Variants in ENTREP2 observed in about 807,000 individuals in gnomAD.
The protein encoded by ENTREP2 is protein ENTREP2.
chr15:29,300,455 T>C, the ENTREP2 span, among the ~76,000 whole-genome samples: 2 of 109,282 alleles, frequency 1.8e-5, no homozygotes, highest in African/African-American at 1.3e-4. Context: ...TGGATGGATG[T>C]TGAGGCATGG....
chr15:29,118,793 C>T, the ENTREP2 span, among the ~76,000 whole-genome samples: 1 of 90,988 alleles, frequency 1.1e-5, no homozygotes, highest in Non-Finnish European at 2.9e-5. Context: ...ATTCTGGCAG[C>T]TCTGCCAGCA....
chr15:29,321,292 TAA>T, the ENTREP2 span, among the ~76,000 whole-genome samples: 2 of 152,032 alleles, frequency 1.3e-5, no homozygotes, highest in Admixed American at 1.3e-4. Flanking sequence ...GTGGAGTATT[TAA>T]AGTGATGAAA....
the ENTREP2 span, among the ~76,000 whole-genome samples, chr15:29,378,024 A>T: frequency 6.6e-6 from 1 of 151,650 alleles, no homozygotes. Flanking sequence ...GAAGGAATGT[A>T]AGTCATGTGA....
the ENTREP2 span, among the ~76,000 whole-genome samples, chr15:29,352,596 TTCATCAC>T: frequency 2.0e-5 from 3 of 152,150 alleles, no homozygotes; most frequent in Admixed American, 2.0e-4. Context: ...CACCAGCTCA[TTCATCAC>T]CTGGCAGATT....
chr15:29,549,011 T>C, the ENTREP2 span, among the ~76,000 whole-genome samples: 4 of 152,192 alleles, frequency 2.6e-5, no homozygotes, highest in Non-Finnish European at 5.9e-5. Flanking sequence ...CAGGCAATCA[T>C]AGCAGCTGAG....
At chr15:29,508,061 G>C in the ENTREP2 span, among the ~76,000 whole-genome samples, 1 of 152,108 alleles carries the variant, frequency 6.6e-6, no homozygotes, top group South Asian at 2.1e-4. Context: ...AAATGATAAA[G>C]GGGAGATTAC....
At chr15:29,126,155 C>T in the ENTREP2 span, 1 of 896,946 alleles carries the variant, frequency 1.1e-6, no homozygotes, top group Non-Finnish European at 1.6e-6. Context: ...CCAGTGTGGC[C>T]CCAGACAGGA....
At chr15:29,386,151 C>T in the ENTREP2 span, among the ~76,000 whole-genome samples, 6,022 of 152,240 alleles carry the variant, frequency 0.04, 262 homozygotes, top group African/African-American at 0.1. Context: ...TTTTCCTGTA[C>T]ACTAGGGCAA....
the ENTREP2 span, among the ~76,000 whole-genome samples, chr15:29,132,870 G>A: frequency 3.3e-5 from 5 of 152,270 alleles, no homozygotes; most frequent in Admixed American, 1.3e-4. Flanking sequence ...CAAGGGGCAG[G>A]GAGAACCGGG....
chr15:29,661,693 G>A, the ENTREP2 span, among the ~76,000 whole-genome samples: 1 of 152,060 alleles, frequency 6.6e-6, no homozygotes, highest in Admixed American at 6.6e-5. Context: ...AAGCATCCAA[G>A]GCTATAATAC....
At chr15:29,221,460 A>C in the ENTREP2 span, among the ~76,000 whole-genome samples, 1 of 152,128 alleles carries the variant, frequency 6.6e-6, no homozygotes, top group Non-Finnish European at 1.5e-5. Context: ...TCGGCCTCTC[A>C]AAGTGCTGGG....
At chr15:29,136,814 G>C in the ENTREP2 span, among the ~76,000 whole-genome samples, 52,658 of 152,042 alleles carry the variant, frequency 0.35, 10,512 homozygotes, top group Non-Finnish European at 0.45. Flanking sequence ...AGCTTTGCAC[G>C]TCATGAGAAC....
At chr15:29,555,135 A>G in the ENTREP2 span, among the ~76,000 whole-genome samples, 1 of 152,236 alleles carries the variant, frequency 6.6e-6, no homozygotes, top group Admixed American at 6.5e-5. Context: ...AGAGAGAAGG[A>G]ACCGGGGAAG....
chr15:29,620,512 C>T, the ENTREP2 span, among the ~76,000 whole-genome samples: 1 of 152,050 alleles, frequency 6.6e-6, no homozygotes, highest in Non-Finnish European at 1.5e-5. Flanking sequence ...GTGGCTCACA[C>T]CTATAGTCCC....
the ENTREP2 span, among the ~76,000 whole-genome samples, chr15:29,426,053 TTAA>T: frequency 6.6e-6 from 1 of 150,938 alleles, no homozygotes; most frequent in Admixed American, 6.6e-5. Context: ...ATTGATTATT[TTAA>T]TAATTAAATA....
chr15:29,451,039 T>A, the ENTREP2 span, among the ~76,000 whole-genome samples: 1 of 151,952 alleles, frequency 6.6e-6, no homozygotes, highest in Admixed American at 6.6e-5. Context: ...AAATAATCTG[T>A]ACACCAAACC....
At chr15:29,252,930 C>A in the ENTREP2 span, among the ~76,000 whole-genome samples, 1 of 152,066 alleles carries the variant, frequency 6.6e-6, no homozygotes, top group African/African-American at 2.4e-5. Flanking sequence ...TGTCCATCAC[C>A]CAACATCAAT....
At chr15:29,436,234 T>C in the ENTREP2 span, among the ~76,000 whole-genome samples, 32 of 152,292 alleles carry the variant, frequency 2.1e-4, no homozygotes, top group South Asian at 3.1e-3. Context: ...GTTTAATTCA[T>C]GTGTAACATA....
the ENTREP2 span, among the ~76,000 whole-genome samples, chr15:29,373,114 C>T: frequency 6.6e-6 from 1 of 151,462 alleles, no homozygotes; most frequent in African/African-American, 2.4e-5. Flanking sequence ...ACAAGACAAA[C>T]TGGGATAAAA....
Sources: gnomAD v4.1 joint callset for allele counts (sites outside exome capture counted in the v4.1 genomes callset) on GRCh38, gnomAD v4.1.1 for gene constraint, MANE v1.5 for transcripts, NCBI Gene and HGNC (gene_info 2026-07-23, HGNC 2026-07-21) for gene names.